The following CNTNAP2 variants were observed in gnomAD, a reference collection of about 807,000 sequenced individuals.
CNTNAP2 encodes contactin-associated protein-like 2.
CNTNAP2 carries 98 observed loss-of-function variants against 155.2 expected under a neutral mutation model. The ratio of observed to expected loss-of-function variants is 0.63; its 90% CI spans 0.54 to 0.75. The LOEUF (loss-of-function observed/expected upper bound fraction) is 0.75. Ranked by LOEUF, CNTNAP2 falls within the 30% of genes least tolerant of loss-of-function variation. The pLI is 0.00. For missense variants in CNTNAP2, 1,727 were observed against 1,688.1 expected (o/e 1.02, Z -0.40); for synonymous variants, 651 against 631.2 (o/e 1.03, Z -0.47).
At chr7:147,064,769 A>G (rs1417537580) in intron 4 of CNTNAP2, among the ~76,000 whole-genome samples, 2 of 152,176 alleles carry the variant, frequency 1.3e-5, no homozygotes, top group Non-Finnish European at 1.5e-5. Context: ...TCCATCTCCA[A>G]CAAAACTATA....
intron 15 of CNTNAP2, among the ~76,000 whole-genome samples, chr7:148,061,900 T>TAAAC (rs1803143071): frequency 2.4e-5 from 3 of 122,836 alleles, no homozygotes; most frequent in East Asian, 6.0e-4. Context: ...GATAGATAGA[T>TAAAC]AGATAGATAG....
At chr7:146,433,616 T>G (rs1796202010) in intron 1 of CNTNAP2, among the ~76,000 whole-genome samples, 1 of 152,128 alleles carries the variant, frequency 6.6e-6, no homozygotes, top group African/African-American at 2.4e-5. Context: ...AGTGGAGGAA[T>G]GTGGAAGATG....
intron 8 of CNTNAP2, among the ~76,000 whole-genome samples, chr7:147,265,734 A>G (rs1804592605): frequency 6.6e-6 from 1 of 152,116 alleles, no homozygotes; most frequent in Non-Finnish European, 1.5e-5. Context: ...AGGTCACCAG[A>G]CACCTTATCC....
chr7:146,686,056 G>A (rs1800593005), intron 1 of CNTNAP2, among the ~76,000 whole-genome samples: 1 of 152,098 alleles, frequency 6.6e-6, no homozygotes, highest in South Asian at 2.1e-4. Context: ...CAGCACTTTG[G>A]GAGGCTGACA....
At chr7:146,442,889 T>C (rs1455335155) in intron 1 of CNTNAP2, among the ~76,000 whole-genome samples, 1 of 152,088 alleles carries the variant, frequency 6.6e-6, no homozygotes, top group Admixed American at 6.6e-5. Flanking sequence ...TGGCTTGTGC[T>C]TTTGAAGTTT....
intron 2 of CNTNAP2, among the ~76,000 whole-genome samples, chr7:146,785,549 A>G (rs1802561616): frequency 6.6e-6 from 1 of 152,230 alleles, no homozygotes; most frequent in Non-Finnish European, 1.5e-5. Flanking sequence ...TGTAGGAATC[A>G]TTTGTTAAAT....
intron 21 of CNTNAP2, among the ~76,000 whole-genome samples, chr7:148,273,244 G>A (rs1381481771): frequency 6.6e-6 from 1 of 152,192 alleles, no homozygotes; most frequent in Non-Finnish European, 1.5e-5. Context: ...GATTTGTGGT[G>A]GGAGTAATTT....
At chr7:146,280,510 C>T (rs917347898) in intron 1 of CNTNAP2, among the ~76,000 whole-genome samples, 5 of 152,088 alleles carry the variant, frequency 3.3e-5, no homozygotes, top group African/African-American at 9.7e-5. Context: ...TGCACTTGGC[C>T]GCTCCTATCT....
At chr7:147,432,617 G>A (rs375537716) in intron 10 of CNTNAP2, among the ~76,000 whole-genome samples, 29 of 152,306 alleles carry the variant, frequency 1.9e-4, no homozygotes, top group African/African-American at 7.0e-4. Flanking sequence ...GGACCTTGCT[G>A]ATAGTTCCAG....
At chr7:147,018,221 A>G (rs1798759261) in intron 3 of CNTNAP2, among the ~76,000 whole-genome samples, 1 of 152,106 alleles carries the variant, frequency 6.6e-6, no homozygotes, top group Admixed American at 6.6e-5. Context: ...CAATAAAAGT[A>G]CCAATTATAC....
chr7:147,577,771 T>C (rs1164468381), intron 12 of CNTNAP2, among the ~76,000 whole-genome samples: 1 of 151,632 alleles, frequency 6.6e-6, no homozygotes, highest in African/African-American at 2.4e-5. Context: ...TGCAAACAAA[T>C]ATAAAGCAAC....
chr7:147,259,320 A>C (rs1804403584), intron 8 of CNTNAP2, among the ~76,000 whole-genome samples: 1 of 152,082 alleles, frequency 6.6e-6, no homozygotes, highest in African/African-American at 2.4e-5. Context: ...TTTTCCTCCA[A>C]TTCTGCTATC....
At chr7:147,261,167 A>G (rs892708981) in intron 8 of CNTNAP2, among the ~76,000 whole-genome samples, 2 of 152,208 alleles carry the variant, frequency 1.3e-5, no homozygotes, top group Non-Finnish European at 2.9e-5. Context: ...CTTCTAATTT[A>G]TCAGCAATGT....
intron 1 of CNTNAP2, among the ~76,000 whole-genome samples, chr7:146,358,966 A>T (rs1795043581): frequency 6.6e-6 from 1 of 152,190 alleles, no homozygotes; most frequent in Non-Finnish European, 1.5e-5. Context: ...TAAAGATTTC[A>T]CTGTTAGTCC....
In CNTNAP2 at chr7:147,925,292, GCACACACACACACACA is replaced by G. The variant is rs71183036; in HGVS notation, c.2255+21596_2255+21611del. On this transcript the variant is annotated intron_variant, in intron 14 of 23. Coordinates refer to ENST00000361727, the MANE Select transcript of CNTNAP2 (RefSeq NM_014141.6). ...CAGACAAACACACACAAGCGCGCGC[GCACACACACACACACA>G]CACACACACACACACACACACACAG... 1.9e-4 allele frequency among the ~76,000 whole-genome samples: 27 copies of G among 143,220 alleles called. 1 individual carries two copies. Among genetic ancestry groups the G allele is most frequent in the Middle Eastern group, 7.4e-3 (2 of 270 alleles). 94.0% of individuals were successfully genotyped at this position (143,220 alleles called of 152,430 possible).
intron 7 of CNTNAP2, among the ~76,000 whole-genome samples, chr7:147,130,590 T>A (rs1801332841): frequency 6.6e-6 from 1 of 152,152 alleles, no homozygotes; most frequent in African/African-American, 2.4e-5. Flanking sequence ...TATACATACA[T>A]ACAGAAAATC....
chr7:146,941,937 A>G (rs1389545638), intron 3 of CNTNAP2, among the ~76,000 whole-genome samples: 2 of 151,880 alleles, frequency 1.3e-5, no homozygotes, highest in Non-Finnish European at 2.9e-5. Context: ...TTTGTCTTCA[A>G]TTTTTGATAG....
intron 1 of CNTNAP2, among the ~76,000 whole-genome samples, chr7:146,651,635 G>C (rs1799913141): frequency 6.6e-6 from 1 of 152,058 alleles, no homozygotes; most frequent in African/African-American, 2.4e-5. Flanking sequence ...ACTGTTATCT[G>C]TATAGTACAC....
intron 3 of CNTNAP2, among the ~76,000 whole-genome samples, chr7:146,981,405 T>C (rs1798014594): frequency 6.6e-6 from 1 of 152,234 alleles, no homozygotes; most frequent in African/African-American, 2.4e-5. Flanking sequence ...TTTTTACTGC[T>C]ACATTTTGCC....
Sources: allele counts gnomAD v4.1 joint callset (sites outside exome capture counted in the v4.1 genomes callset), GRCh38; gene constraint gnomAD v4.1.1; transcripts MANE v1.5; gene names NCBI Gene and HGNC (gene_info 2026-07-23, HGNC 2026-07-21).